Variants in CDYL observed in about 807,000 individuals in gnomAD.
CDYL encodes chromodomain Y like, also known as chromodomain Y-like protein.
Under a neutral mutation model 47.3 loss-of-function variants are expected in CDYL, and 8 were observed. The observed-to-expected ratio is 0.17, with a 90% CI of 0.10 to 0.31. The LOEUF (loss-of-function observed/expected upper bound fraction) is 0.31, where lower values mean the gene tolerates loss of function less well. CDYL is among the 10% of genes least tolerant of loss of function. The pLI, the probability that CDYL is intolerant of heterozygous loss-of-function variation, is 1.00. For synonymous variants in CDYL, 266 were observed against 265.0 expected (o/e 1.00, Z -0.04); for missense variants, 471 against 701.4 (o/e 0.67, Z 3.71).
At chr6:4,813,803 T>C (rs188633609) in intron 1 of CDYL, among the ~76,000 whole-genome samples, 1 of 152,330 alleles carries the variant, frequency 6.6e-6, no homozygotes, top group African/African-American at 2.4e-5. Context: ...GACAGGATCT[T>C]GCTCTGTAGC....
At chr6:4,808,390 G>A (rs1357108379) in intron 1 of CDYL, among the ~76,000 whole-genome samples, 2 of 152,016 alleles carry the variant, frequency 1.3e-5, no homozygotes, top group African/African-American at 4.8e-5. Flanking sequence ...TTCCTTAATT[G>A]TTAACTCCTT....
chr6:4,791,183 G>T (rs1758906880), intron 1 of CDYL, among the ~76,000 whole-genome samples: 1 of 152,178 alleles, frequency 6.6e-6, no homozygotes, highest in South Asian at 2.1e-4. Flanking sequence ...AGCATCATAT[G>T]ATCTTTGTCA....
At chr6:4,915,982 A>G (rs1757545024) in intron 2 of CDYL, among the ~76,000 whole-genome samples, 1 of 152,224 alleles carries the variant, frequency 6.6e-6, no homozygotes. Context: ...CAGTTAGGAA[A>G]TCTTTGGATC....
chr6:4,751,769 G>A (rs1485472832), intron 3 of CDYL, among the ~76,000 whole-genome samples: 3 of 152,224 alleles, frequency 2.0e-5, no homozygotes, highest in Non-Finnish European at 4.4e-5. Flanking sequence ...GAAAAAAAGT[G>A]ATAGAAGAAG....
chr6:4,793,111 T>C (rs1277349403), intron 1 of CDYL, among the ~76,000 whole-genome samples: 3 of 152,226 alleles, frequency 2.0e-5, no homozygotes, highest in African/African-American at 4.8e-5. Flanking sequence ...GTTCTTTTTT[T>C]CTGGCAAATT....
chr6:4,917,529 GAC>G (rs1287561635), intron 2 of CDYL, among the ~76,000 whole-genome samples: 1 of 152,190 alleles, frequency 6.6e-6, no homozygotes, highest in Non-Finnish European at 1.5e-5. Context: ...TAGCAGTTGA[GAC>G]ACAGTTAAAA....
At chr6:4,714,208 C>T (rs563519860) in intron 1 of CDYL, 89 of 151,898 alleles carry the variant, frequency 5.9e-4, no homozygotes, top group African/African-American at 2.0e-3. Flanking sequence ...ATCCCTGCAC[C>T]ACACTGCCTC....
intron 1 of CDYL, among the ~76,000 whole-genome samples, chr6:4,805,752 C>T (rs575718938): frequency 1.3e-5 from 2 of 152,316 alleles, no homozygotes; most frequent in South Asian, 4.1e-4. Context: ...CCTCTGTCTA[C>T]CTCTTTGTTC....
rs78785609 is a variant in CDYL at position 4,946,560 on chromosome 6, C to T, written c.1332+2804C>T. On this transcript the variant is annotated intron_variant, in intron 5 of 6. Transcript: ENST00000397588. ...GCTGTAGGTATGAGCTGAGGCAGGG[C>T]GCAGGTACTCAAGGGTCTGGGGGTG... 4.7e-4 allele frequency among the ~76,000 whole-genome samples: 72 copies of T among 152,288 alleles called. No homozygotes were observed. The East Asian group carries it at 0.012, about 25-fold the overall frequency.
chr6:4,713,385 G>A (rs1027929477), intron 1 of CDYL, among the ~76,000 whole-genome samples: 2 of 152,114 alleles, frequency 1.3e-5, no homozygotes, highest in African/African-American at 2.4e-5. Context: ...GGCTACGTGG[G>A]AAATTTCCAG....
chr6:4,732,297 C>T (rs539705938), intron 2 of CDYL, among the ~76,000 whole-genome samples: 5 of 151,610 alleles, frequency 3.3e-5, no homozygotes, highest in South Asian at 2.1e-4. Flanking sequence ...ATTGTGCCAC[C>T]GCACCCCAGC....
chr6:4,848,611 A>G (rs910212828), intron 1 of CDYL, among the ~76,000 whole-genome samples: 4 of 152,244 alleles, frequency 2.6e-5, no homozygotes, highest in African/African-American at 9.6e-5. Flanking sequence ...AATTCAATGA[A>G]AAGGCAAATA....
intron 3 of CDYL, among the ~76,000 whole-genome samples, chr6:4,760,335 A>G (rs1483140016): frequency 6.6e-6 from 1 of 150,652 alleles, no homozygotes; most frequent in South Asian, 2.1e-4. Context: ...AAGAGTAGTT[A>G]TGCATTCAAA....
At chr6:4,853,360 A>G (rs1241220405) in intron 1 of CDYL, among the ~76,000 whole-genome samples, 1 of 152,234 alleles carries the variant, frequency 6.6e-6, no homozygotes, top group Admixed American at 6.5e-5. Context: ...AGAAGGTAAC[A>G]TAACTTATCC....
At chr6:4,807,190 A>C (rs1434366050) in intron 1 of CDYL, among the ~76,000 whole-genome samples, 1 of 152,162 alleles carries the variant, frequency 6.6e-6, no homozygotes, top group Admixed American at 6.5e-5. Flanking sequence ...TGAGGTTATA[A>C]TGGTTAGGGC....
At chr6:4,858,905 T>G (rs1052970216) in intron 1 of CDYL, among the ~76,000 whole-genome samples, 1 of 152,178 alleles carries the variant, frequency 6.6e-6, no homozygotes, top group Non-Finnish European at 1.5e-5. Flanking sequence ...GTAAAGAGCT[T>G]AAAACAGTGG....
At chr6:4,912,392 G>C (rs1040857551) in intron 2 of CDYL, among the ~76,000 whole-genome samples, 5 of 152,256 alleles carry the variant, frequency 3.3e-5, no homozygotes, top group African/African-American at 1.2e-4. Flanking sequence ...GAGGGTCACT[G>C]TTCCCTGCAG....
At chr6:4,725,626 AC>A (rs1267531638) in intron 2 of CDYL, among the ~76,000 whole-genome samples, 1 of 152,136 alleles carries the variant, frequency 6.6e-6, no homozygotes, top group African/African-American at 2.4e-5. Context: ...GCCCACGCCC[AC>A]CCGGAACTCG....
chr6:4,943,702 G>A lies in CDYL; in HGVS notation c.1278G>A (p.Gln426=). ...AAACACCCTATACCACCTTCGGACA[G>A]AGTCCAGATGGCTGTTCTACCGTTA... The part of the protein sequence containing the change: ...WFQTPYTTFG[Q]SPDGCSTVMF... Residue 426 remains glutamine, a synonymous_variant, in exon 5 of 7, where the codon CAG becomes CAA. Transcript: ENST00000397588. 1 of 1,612,690 alleles carries A rather than the reference G, an allele frequency of 6.2e-7. No individual in the cohort carries two copies. The highest frequency in any genetic ancestry group is 8.5e-7 in the Non-Finnish European group (1 of 1,179,864).
Sources: allele counts gnomAD v4.1 joint callset (sites outside exome capture counted in the v4.1 genomes callset), GRCh38; gene constraint gnomAD v4.1.1; transcripts MANE v1.5; gene names NCBI Gene and HGNC (gene_info 2026-07-23, HGNC 2026-07-21).